The following COL5A2 variants were observed in gnomAD, a reference collection of about 807,000 sequenced individuals.
COL5A2 encodes collagen alpha-2(V) chain.
A neutral mutation model predicts 208.2 loss-of-function variants in COL5A2; 23 were observed. The observed-to-expected ratio is 0.11, with a 90% CI of 0.08 to 0.16. The LOEUF (loss-of-function observed/expected upper bound fraction) is 0.16. Among genes scored for constraint, COL5A2 ranks in the 10% least tolerant of loss-of-function variants. The pLI, the probability that COL5A2 is intolerant of heterozygous loss-of-function variation, is 1.00. For synonymous variants in COL5A2, 625 were observed against 628.5 expected (o/e 0.99, Z 0.08); for missense variants, 1,590 against 1,956.4 (o/e 0.81, Z 3.53).
chr2:189,208,851 G>T (rs766363473), intron 1 of COL5A2, among the ~76,000 whole-genome samples: 6 of 152,076 alleles, frequency 3.9e-5, no homozygotes, highest in Admixed American at 1.3e-4. Context: ...TGGTTCTTTG[G>T]ATTATAAAGG....
intron 43 of COL5A2, among the ~76,000 whole-genome samples, chr2:189,050,227 G>A (rs527609540): frequency 1.3e-5 from 2 of 152,038 alleles, no homozygotes; most frequent in African/African-American, 4.8e-5. Context: ...TGTTAAGCAT[G>A]TTTACTTAAA....
the COL5A2 span, among the ~76,000 whole-genome samples, chr2:189,241,167 GACAA>G: frequency 6.6e-6 from 1 of 152,002 alleles, no homozygotes; most frequent in African/African-American, 2.4e-5. Flanking sequence ...ATTATTCTCT[GACAA>G]ACAACACAGC....
chr2:189,144,080 A>G (rs535502208), intron 1 of COL5A2, among the ~76,000 whole-genome samples: 4 of 152,170 alleles, frequency 2.6e-5, no homozygotes, highest in Admixed American at 6.6e-5. Flanking sequence ...TCTGCAAACC[A>G]GATGGTTATG....
intron 1 of COL5A2, among the ~76,000 whole-genome samples, chr2:189,158,818 C>T (rs1688304149): frequency 6.6e-6 from 1 of 152,026 alleles, no homozygotes; most frequent in South Asian, 2.1e-4. Context: ...GACTTATTAC[C>T]AAAACTTTAA....
At chr2:189,175,208 C>G (rs1688652306) in intron 1 of COL5A2, among the ~76,000 whole-genome samples, 1 of 152,120 alleles carries the variant, frequency 6.6e-6, no homozygotes, top group South Asian at 2.1e-4. Context: ...CCTAGCCCCT[C>G]TTGAAGTTTT....
the COL5A2 span, among the ~76,000 whole-genome samples, chr2:189,255,210 T>C: frequency 2.7e-3 from 414 of 152,332 alleles, 3 homozygotes; most frequent in African/African-American, 9.4e-3. Context: ...GTGTAGTTAA[T>C]TTAAAAATAA....
the COL5A2 span, among the ~76,000 whole-genome samples, chr2:189,436,388 G>A: frequency 1.3e-5 from 2 of 152,092 alleles, no homozygotes; most frequent in Non-Finnish European, 2.9e-5. Flanking sequence ...GGTGGGGGGA[G>A]CGGGGAGGTA....
chr2:189,243,311 A>G, the COL5A2 span, among the ~76,000 whole-genome samples: 1 of 152,270 alleles, frequency 6.6e-6, no homozygotes, highest in East Asian at 1.9e-4. Context: ...TGGAATTTGT[A>G]TTAGTTCATT....
chr2:189,367,379 A>G, the COL5A2 span, among the ~76,000 whole-genome samples: 9 of 152,318 alleles, frequency 5.9e-5, no homozygotes, highest in Middle Eastern at 3.4e-3. Flanking sequence ...ATTTTAATAA[A>G]TGTTGTGATA....
chr2:189,182,895 C>T (rs1326164742), upstream of COL5A2, among the ~76,000 whole-genome samples: 1 of 152,138 alleles, frequency 6.6e-6, no homozygotes, highest in Non-Finnish European at 1.5e-5. Context: ...CTTCAAATCT[C>T]CTTGCAGATG....
Position 189,063,039 on chromosome 2 carries a change from C to T in COL5A2, c.1894G>A (p.Ala632Thr). 6.2e-7 allele frequency: 1 copy of T among 1,614,196 alleles called. No homozygotes were observed. Among genetic ancestry groups the T allele is most frequent in the Non-Finnish European group, 8.5e-7 (1 of 1,180,026 alleles). The change falls in exon 28 of 54, where the codon GCA (alanine) becomes ACA (threonine). Residue 632 changes from alanine to threonine, a missense_variant. Ala to Thr is a moderately conservative substitution (Grantham distance 58). Coordinates refer to ENST00000374866, the MANE Select transcript of COL5A2 (RefSeq NM_000393.5). ...TGCCCAGGAACTCCAGCATTTCCTG[C>T]TTCTCCAGGTTTCCCAGGGTCACCC... is the stretch of plus-strand genomic sequence containing the variant. ...SSGDPGKPGE[A>T]GNAGVPGQRG...
chr2:189,112,713 A>G (rs1687308645), intron 1 of COL5A2, among the ~76,000 whole-genome samples: 1 of 152,242 alleles, frequency 6.6e-6, no homozygotes, highest in Non-Finnish European at 1.5e-5. Context: ...CTCTATGTCC[A>G]TAGTGCTATT....
chr2:189,266,675 T>A, the COL5A2 span, among the ~76,000 whole-genome samples: 21 of 152,058 alleles, frequency 1.4e-4, no homozygotes, highest in Admixed American at 2.6e-4. Context: ...GATGGGGTGA[T>A]GAAAATATTC....
intron 7 of COL5A2, among the ~76,000 whole-genome samples, chr2:189,091,838 G>GC (rs1686792569): frequency 6.6e-6 from 1 of 152,114 alleles, no homozygotes; most frequent in Admixed American, 6.5e-5. Context: ...TTTACTTCAA[G>GC]TAAAAAAACT....
the COL5A2 span, among the ~76,000 whole-genome samples, chr2:189,262,562 C>T: frequency 6.6e-6 from 1 of 152,080 alleles, no homozygotes; most frequent in South Asian, 2.1e-4. Context: ...GAATCTAAGC[C>T]CTGTCTGGCT....
chr2:189,035,761 T>C (rs919418391), intron 52 of COL5A2, among the ~76,000 whole-genome samples: 10 of 152,130 alleles, frequency 6.6e-5, no homozygotes, highest in Non-Finnish European at 8.8e-5. Context: ...GCTTATCTTG[T>C]ATACACCCAT....
the COL5A2 span, among the ~76,000 whole-genome samples, chr2:189,436,242 A>G: frequency 6.6e-6 from 1 of 152,182 alleles, no homozygotes; most frequent in Non-Finnish European, 1.5e-5. Context: ...TTTCATGATT[A>G]AAACACCAAA....
chr2:189,204,300 T>C (rs1689117327), intron 1 of COL5A2, among the ~76,000 whole-genome samples: 2 of 152,304 alleles, frequency 1.3e-5, no homozygotes, highest in South Asian at 4.1e-4. Flanking sequence ...AAAATGAAAA[T>C]GAAAGAGAAG....
chr2:189,068,490 T>C (rs188553945), intron 19 of COL5A2, among the ~76,000 whole-genome samples: 4 of 152,280 alleles, frequency 2.6e-5, no homozygotes, highest in Non-Finnish European at 4.4e-5. Context: ...TTTTCACAGT[T>C]GTAAGCACTC....
Sources: gnomAD v4.1 joint callset for allele counts (sites outside exome capture counted in the v4.1 genomes callset) on GRCh38, gnomAD v4.1.1 for gene constraint, MANE v1.5 for transcripts, NCBI Gene and HGNC (gene_info 2026-07-23, HGNC 2026-07-21) for gene names.